Variants in NOX4 observed in about 807,000 individuals in gnomAD.
NOX4 encodes the protein kidney oxidase-1.
In NOX4, 69 loss-of-function variants were observed where a neutral mutation model predicts 87.6. The observed-to-expected ratio is 0.79, with a 90% confidence interval of 0.65 to 0.96. The LOEUF is 0.96. Among genes scored for constraint, NOX4 ranks in the 40% least tolerant of loss-of-function variants. NOX4 has a pLI of 0.00. For synonymous variants in NOX4, 275 were observed against 238.2 expected, an observed-to-expected ratio of 1.15 and a Z score of -1.42; for missense variants, 680 against 681.5, an observed-to-expected ratio of 1.00 and a Z score of 0.02.
chr11:89,471,068 C>T (rs1156514067), intron 2 of NOX4, among the ~76,000 whole-genome samples: 1 of 152,296 alleles, frequency 6.6e-6, no homozygotes, highest in African/African-American at 2.4e-5. Context: ...GCCCATATCC[C>T]TATCTCCACC....
intron 12 of NOX4, among the ~76,000 whole-genome samples, chr11:89,359,564 T>A (rs1026349774): frequency 6.6e-6 from 1 of 151,908 alleles, no homozygotes; most frequent in Non-Finnish European, 1.5e-5. Flanking sequence ...AAAGTAACAA[T>A]GATTAATGCT....
At chr11:89,507,377 C>A in the NOX4 span, among the ~76,000 whole-genome samples, 1 of 150,644 alleles carries the variant, frequency 6.6e-6, no homozygotes, top group Non-Finnish European at 1.5e-5. Flanking sequence ...TATAGATATG[C>A]TATATATAAT....
chr11:89,399,611 G>A (rs1941706048), intron 11 of NOX4, among the ~76,000 whole-genome samples: 1 of 149,770 alleles, frequency 6.7e-6, no homozygotes, highest in Non-Finnish European at 1.5e-5. Context: ...CTACAGATGT[G>A]TACCACCACA....
At chr11:89,425,916 G>T (rs1424859592) in intron 7 of NOX4, among the ~76,000 whole-genome samples, 1 of 151,956 alleles carries the variant, frequency 6.6e-6, no homozygotes, top group Non-Finnish European at 1.5e-5. Context: ...TAGAACAATT[G>T]GAGATTCTTG....
intron 8 of NOX4, among the ~76,000 whole-genome samples, chr11:89,420,458 C>T (rs901317954): frequency 6.6e-6 from 1 of 151,960 alleles, no homozygotes; most frequent in African/African-American, 2.4e-5. Flanking sequence ...TCTCGGTGCC[C>T]TGAGGCTCCA....
the NOX4 span, among the ~76,000 whole-genome samples, chr11:89,570,494 T>TA: frequency 1.3e-5 from 2 of 152,008 alleles, no homozygotes; most frequent in African/African-American, 4.8e-5. Context: ...CCCTCGAACC[T>TA]AAAAAAAGTT....
At chr11:89,429,486 G>A (rs541430671) in intron 7 of NOX4, among the ~76,000 whole-genome samples, 1 of 152,100 alleles carries the variant, frequency 6.6e-6, no homozygotes, top group African/African-American at 2.4e-5. Flanking sequence ...GAAGAAAAGA[G>A]AGAAGAATCA....
the NOX4 span, among the ~76,000 whole-genome samples, chr11:89,511,848 C>T: frequency 6.6e-6 from 1 of 152,080 alleles, no homozygotes; most frequent in African/African-American, 2.4e-5. Context: ...ACATACCTCA[C>T]ACAATACTTG....
intron 13 of NOX4, among the ~76,000 whole-genome samples, chr11:89,353,556 A>T (rs1937733314): frequency 6.6e-6 from 1 of 152,212 alleles, no homozygotes; most frequent in African/African-American, 2.4e-5. Context: ...TACTGTTAAA[A>T]TTACTTTTAT....
intron 8 of NOX4, among the ~76,000 whole-genome samples, chr11:89,405,421 C>T (rs1247646890): frequency 6.6e-6 from 1 of 152,062 alleles, no homozygotes; most frequent in African/African-American, 2.4e-5. Context: ...CCCATTAAAA[C>T]TGTCCTTACT....
At chr11:89,388,233 C>T (rs952420773) in intron 11 of NOX4, among the ~76,000 whole-genome samples, 4 of 152,158 alleles carry the variant, frequency 2.6e-5, no homozygotes, top group African/African-American at 9.7e-5. Context: ...TGCTCAGACC[C>T]TTTCCCTTCC....
intron 2 of NOX4, among the ~76,000 whole-genome samples, chr11:89,487,866 C>A (rs1475803976): frequency 1.3e-5 from 2 of 152,094 alleles, no homozygotes; most frequent in African/African-American, 4.8e-5. Context: ...TGAAATAATG[C>A]AACACTTATT....
chr11:89,491,892 T>C (rs907330379), upstream of NOX4, among the ~76,000 whole-genome samples: 10 of 151,932 alleles, frequency 6.6e-5, no homozygotes, highest in Non-Finnish European at 1.0e-4. Flanking sequence ...CCACCCTTCC[T>C]CAGCAAATTA....
chr11:89,491,727 TACACACACAC>T (rs66820323), upstream of NOX4, among the ~76,000 whole-genome samples: 190 of 140,742 alleles, frequency 1.3e-3, 1 homozygote, highest in Non-Finnish European at 1.9e-3. Flanking sequence ...CGCCCCCTTG[TACACACACAC>T]ACACACACAC....
chr11:89,540,945 C>T, the NOX4 span, among the ~76,000 whole-genome samples: 4 of 150,248 alleles, frequency 2.7e-5, no homozygotes, highest in Non-Finnish European at 5.9e-5. Context: ...AAGGTAAACT[C>T]TTAAGACACT....
intron 2 of NOX4, among the ~76,000 whole-genome samples, chr11:89,475,736 T>C (rs549052973): frequency 2.0e-5 from 3 of 152,122 alleles, no homozygotes; most frequent in Admixed American, 6.6e-5. Context: ...TATTATACTA[T>C]AGCAATCTAA....
chr11:89,581,666 A>C, the NOX4 span, among the ~76,000 whole-genome samples: 1 of 152,130 alleles, frequency 6.6e-6, no homozygotes, highest in Non-Finnish European at 1.5e-5. Context: ...CTAAGCCCCT[A>C]ATAAATATAT....
At chr11:89,500,435 G>T (rs1413727634), upstream of NOX4, among the ~76,000 whole-genome samples, 1 of 152,100 alleles carries the variant, frequency 6.6e-6, no homozygotes, top group East Asian at 1.9e-4. Context: ...GGAGCACATA[G>T]CCTGCAAGTT....
At chr11:89,560,546 T>A in the NOX4 span, among the ~76,000 whole-genome samples, 1 of 151,878 alleles carries the variant, frequency 6.6e-6, no homozygotes. Flanking sequence ...TCTGTGAGGG[T>A]GTTTCTGAGG....
Sources: allele counts gnomAD v4.1 joint callset (sites outside exome capture counted in the v4.1 genomes callset), GRCh38; gene constraint gnomAD v4.1.1; transcripts MANE v1.5; gene names NCBI Gene and HGNC (gene_info 2026-07-23, HGNC 2026-07-21).